PDZD2: variants seen among roughly 807,000 people sequenced by gnomAD.
The protein encoded by PDZD2 is PDZ domain-containing protein 2.
A neutral mutation model predicts 220.7 loss-of-function variants in PDZD2; 90 were observed. The observed-to-expected ratio is 0.41, with a 90% CI of 0.34 to 0.49. The LOEUF (loss-of-function observed/expected upper bound fraction) is 0.49. PDZD2 is among the 20% of genes least tolerant of loss of function. The pLI is 0.28. For missense variants in PDZD2, 3,174 were observed against 3,608.5 expected (o/e 0.88, Z 3.08); for synonymous variants, 1,375 against 1,450.5 (o/e 0.95, Z 1.18).
chr5:31,836,334 C>T (rs1756940800), intron 2 of PDZD2, among the ~76,000 whole-genome samples: 1 of 148,288 alleles, frequency 6.7e-6, no homozygotes, highest in Non-Finnish European at 1.5e-5. Flanking sequence ...AGGGTTCAGG[C>T]AATTCTCTTG....
chr5:31,865,064 G>T (rs1005288307), intron 2 of PDZD2, among the ~76,000 whole-genome samples: 1 of 151,596 alleles, frequency 6.6e-6, no homozygotes, highest in African/African-American at 2.4e-5. Flanking sequence ...AGCCAGGATG[G>T]TCTCGATCTC....
intron 1 of PDZD2, among the ~76,000 whole-genome samples, chr5:31,698,197 C>A (rs1000861045): frequency 6.7e-6 from 1 of 150,262 alleles, no homozygotes; most frequent in Non-Finnish European, 1.5e-5. Flanking sequence ...AGCCACCGCA[C>A]CCGGCCCCTT....
chr5:31,780,465 C>T (rs1045986782), intron 1 of PDZD2, among the ~76,000 whole-genome samples: 6 of 152,214 alleles, frequency 3.9e-5, no homozygotes, highest in South Asian at 2.1e-4. Flanking sequence ...ATTTCATCAA[C>T]GAACATTAAA....
chr5:31,725,735 G>A (rs1010749521), intron 1 of PDZD2: 30 of 899,898 alleles, frequency 3.3e-5, no homozygotes, highest in Non-Finnish European at 5.4e-5. Flanking sequence ...CCTGCAACGT[G>A]ATTTAGCCTT....
At position 32,108,314 on chromosome 5, in the gene PDZD2, A is replaced by G. The variant is rs1475050004; in HGVS notation, c.*179A>G. On this transcript the variant is annotated 3_prime_UTR_variant, in exon 25 of 25. Coordinates refer to ENST00000438447, the MANE Select transcript of PDZD2 (RefSeq NM_178140.4). The stretch of plus-strand genomic sequence containing the variant: ...TGTATGTGCAACAGCAATGAAATTA[A>G]CTCCAGAAGCCTTCCACCTGCGTCA... 1.8e-5 allele frequency: 8 copies of G among 447,612 alleles called. No individual in the cohort carries two copies. The allele number at this position is 447,612 out of a possible 1,614,324, so 27.7% of individuals were successfully genotyped here. A position where few individuals can be genotyped will look rare whatever the true frequency, so the allele number is the denominator to read the frequency against.
intron 23 of PDZD2, chr5:32,099,042 T>A (rs1357787464): frequency 6.3e-6 from 1 of 158,844 alleles, no homozygotes; most frequent in Non-Finnish European, 1.4e-5. Context: ...TTGTATTCTT[T>A]CCTGGTTTAG....
intron 1 of PDZD2, among the ~76,000 whole-genome samples, chr5:31,715,513 G>A (rs253932): frequency 0.2 from 31,143 of 152,188 alleles, 3,579 homozygotes; most frequent in East Asian, 0.35. Flanking sequence ...CATACTAGAA[G>A]CTGGATGACA....
chr5:32,091,277 T>TA (rs1561575233), intron 20 of PDZD2, 102 bp downstream of exon 20: 323 of 668,372 alleles, frequency 4.8e-4, no homozygotes, highest in Non-Finnish European at 6.6e-4. Context: ...AGTTCCCACT[T>TA]ACTTTTTTTT....
intron 2 of PDZD2, among the ~76,000 whole-genome samples, chr5:31,884,549 A>G (rs1740247585): frequency 6.6e-6 from 1 of 152,110 alleles, no homozygotes; most frequent in Non-Finnish European, 1.5e-5. Flanking sequence ...GCACTCCAGA[A>G]AGGATTCTAC....
At chr5:31,750,583 G>A (rs1750895511) in intron 1 of PDZD2, among the ~76,000 whole-genome samples, 1 of 152,158 alleles carries the variant, frequency 6.6e-6, no homozygotes, top group Non-Finnish European at 1.5e-5. Context: ...GTGTGGTCCT[G>A]AGGGGCGCCG....
At chr5:31,811,725 C>T (rs1028932848) in intron 2 of PDZD2, among the ~76,000 whole-genome samples, 2 of 152,120 alleles carry the variant, frequency 1.3e-5, no homozygotes, top group African/African-American at 4.8e-5. Flanking sequence ...CAGGGTGGCT[C>T]ATGCCTGTAA....
chr5:32,029,813 C>G (rs1183117157), intron 6 of PDZD2, among the ~76,000 whole-genome samples: 1 of 152,186 alleles, frequency 6.6e-6, no homozygotes, highest in African/African-American at 2.4e-5. Context: ...TGCAAGAGAC[C>G]CAGGGAGAAT....
intron 1 of PDZD2, among the ~76,000 whole-genome samples, chr5:31,673,830 G>A (rs549736272): frequency 1.3e-5 from 2 of 152,286 alleles, no homozygotes; most frequent in Admixed American, 6.5e-5. Flanking sequence ...AATTAGCTGG[G>A]TGTGGTGGTG....
intron 1 of PDZD2, among the ~76,000 whole-genome samples, chr5:31,705,787 C>G (rs184707998): frequency 2.6e-5 from 4 of 152,176 alleles, no homozygotes; most frequent in African/African-American, 9.7e-5. Context: ...TGGTGGCTTA[C>G]GCCTATAATC....
intron 1 of PDZD2, among the ~76,000 whole-genome samples, chr5:31,693,244 T>C (rs1301818510): frequency 1.2e-4 from 17 of 140,064 alleles, no homozygotes; most frequent in African/African-American, 4.8e-4. Flanking sequence ...AAAGCACTTT[T>C]TTTTTTTTTT....
At position 32,010,808 on chromosome 5, in the gene PDZD2, C is replaced by A. The variant is rs145214156; in HGVS notation, c.1407+326C>A. 5.0e-3 allele frequency: 1,863 copies of A among 374,708 alleles called. 43 individuals carry two copies. The highest frequency in any genetic ancestry group is 0.037 in the African/African-American group (1,726 of 47,022). The allele number at this position is 374,708 out of a possible 1,614,324, so 23.2% of individuals were successfully genotyped here. A position where few individuals can be genotyped will look rare whatever the true frequency, so the allele number is the denominator to read the frequency against. ...GTCAGGAGTTCAAGACCAGCCTGGC[C>A]AACATGATGAAACCTAGTCTCTACT... On this transcript the variant is annotated intron_variant, in intron 6 of 24. Transcript: ENST00000438447.
intron 2 of PDZD2, among the ~76,000 whole-genome samples, chr5:31,865,279 G>A (rs556110711): frequency 1.3e-5 from 2 of 152,110 alleles, no homozygotes; most frequent in South Asian, 2.1e-4. Context: ...TACAACAATT[G>A]GCAACTCTTT....
At chr5:32,048,764 G>T in intron 8 of PDZD2, 80 bp downstream of exon 8, 1 of 1,415,732 alleles carries the variant, frequency 7.1e-7, no homozygotes, top group Non-Finnish European at 9.8e-7. Flanking sequence ...TACAGGCCAG[G>T]AGTGTCTGGG....
rs564769668 is a variant in PDZD2 at position 32,090,963 on chromosome 5, G to T, written c.7515G>T (p.Pro2505=). Residue 2505 remains proline, a synonymous_variant, in exon 20 of 25, where the codon CCG becomes CCT. Transcript: ENST00000438447. The surrounding 1 kb of genome is among the most constrained non-coding windows in gnomAD (Gnocchi z 4.3). The stretch of plus-strand genomic sequence containing the variant: ...GCAGCGAGGATTACTCAGCAGGGCC[G>T]AGCGCCGTGCTCTTCAAAACTGAGC... ...KLCSEDYSAG[P]SAVLFKTELE... The T allele has an allele frequency of 1.2e-6, 2 of 1,613,844 alleles. No individual in the cohort carries two copies. Among genetic ancestry groups the T allele is most frequent in the South Asian group, 2.2e-5 (2 of 91,064 alleles).
Sources: gnomAD v4.1 joint callset for allele counts (sites outside exome capture counted in the v4.1 genomes callset) on GRCh38, gnomAD v4.1.1 for gene constraint, Gnocchi (gnomAD v3.1) non-coding constraint, MANE v1.5 for transcripts, NCBI Gene and HGNC (gene_info 2026-07-23, HGNC 2026-07-21) for gene names.